The following ADAMTS18 variants were observed in gnomAD, a reference collection of about 807,000 sequenced individuals.
ADAMTS18 encodes ADAM metallopeptidase with thrombospondin type 1 motif 18.
Under a neutral mutation model 165.9 loss-of-function variants are expected in ADAMTS18, and 157 were observed. That is an observed-to-expected ratio of 0.95 (90% CI 0.83 to 1.08). ADAMTS18 has a LOEUF of 1.08. ADAMTS18 is among the 50% of genes least tolerant of loss of function. ADAMTS18 has a pLI of 0.00. For synonymous variants in ADAMTS18, 782 were observed against 578.2 expected (o/e 1.35, Z -5.06); for missense variants, 2,040 against 1,534.0 (o/e 1.33, Z -5.51).
chr16:77,433,887 C>T (rs2057766547), intron 2 of ADAMTS18, among the ~76,000 whole-genome samples: 2 of 151,880 alleles, frequency 1.3e-5, no homozygotes, highest in African/African-American at 2.4e-5. Flanking sequence ...GACTCAGAGA[C>T]CTGAAGTCAC....
At chr16:77,384,349 G>C (rs1417103953) in intron 3 of ADAMTS18, among the ~76,000 whole-genome samples, 1 of 152,094 alleles carries the variant, frequency 6.6e-6, no homozygotes, top group South Asian at 2.1e-4. Flanking sequence ...ACATATCAAG[G>C]AAACAATTAT....
chr16:77,373,991 T>A (rs1358149537), intron 3 of ADAMTS18, among the ~76,000 whole-genome samples: 1 of 151,792 alleles, frequency 6.6e-6, no homozygotes, highest in Non-Finnish European at 1.5e-5. Flanking sequence ...GGCCAAGGAG[T>A]GCAGATCACG....
At chr16:77,415,079 T>C (rs1293573672) in intron 3 of ADAMTS18, among the ~76,000 whole-genome samples, 1 of 152,218 alleles carries the variant, frequency 6.6e-6, no homozygotes, top group Admixed American at 6.5e-5. Flanking sequence ...CAAGATGCAC[T>C]GTGAGGAACA....
intron 16 of ADAMTS18, among the ~76,000 whole-genome samples, chr16:77,317,692 C>T (rs563316407): frequency 8.5e-5 from 13 of 152,270 alleles, no homozygotes; most frequent in South Asian, 6.2e-4. Context: ...ATTTCACCCA[C>T]CATAACTCAA....
At chr16:77,292,881 G>A (rs914420170) in intron 20 of ADAMTS18, 195 bp downstream of exon 20, 12 of 554,592 alleles carry the variant, frequency 2.2e-5, no homozygotes, top group African/African-American at 7.6e-5. Flanking sequence ...GTGCAGTGGC[G>A]CAATCTCAGC....
chr16:77,353,573 A>G (rs1438265078), intron 10 of ADAMTS18, among the ~76,000 whole-genome samples, 160 bp downstream of exon 10: 2 of 152,202 alleles, frequency 1.3e-5, no homozygotes, highest in African/African-American at 4.8e-5. Context: ...ATTCATTGAC[A>G]GTAAAATTGC....
intron 3 of ADAMTS18, among the ~76,000 whole-genome samples, chr16:77,431,035 G>T (rs1226217173): frequency 6.6e-6 from 1 of 152,210 alleles, no homozygotes; most frequent in Non-Finnish European, 1.5e-5. Flanking sequence ...TTTCCTTGGG[G>T]ATCATCTCAA....
chr16:77,299,861 T>G (rs950960170), intron 17 of ADAMTS18, among the ~76,000 whole-genome samples: 7 of 152,308 alleles, frequency 4.6e-5, no homozygotes, highest in South Asian at 4.1e-4. Context: ...CGTCCTCACT[T>G]GCCTTGACCC....
chr16:77,375,642 AAGAAGG>A (rs1477524299), intron 3 of ADAMTS18, among the ~76,000 whole-genome samples: 1 of 152,218 alleles, frequency 6.6e-6, no homozygotes, highest in South Asian at 2.1e-4. Flanking sequence ...GTGGCCTGCT[AAGAAGG>A]AGATGGACTG....
intron 10 of ADAMTS18, among the ~76,000 whole-genome samples, chr16:77,347,801 T>C (rs943875605): frequency 2.6e-5 from 4 of 152,166 alleles, no homozygotes; most frequent in Admixed American, 6.5e-5. Flanking sequence ...AGAGGCAGTA[T>C]AGTATAATGG....
chr16:77,425,302 G>T (rs1486609626), intron 3 of ADAMTS18, among the ~76,000 whole-genome samples: 2 of 152,156 alleles, frequency 1.3e-5, no homozygotes, highest in Non-Finnish European at 2.9e-5. Context: ...TGACAAAATT[G>T]GATGATGCAT....
At chr16:77,353,069 G>C (rs1028145454) in intron 10 of ADAMTS18, among the ~76,000 whole-genome samples, 1 of 151,508 alleles carries the variant, frequency 6.6e-6, no homozygotes. Flanking sequence ...AACACAGTGA[G>C]ACTCTGTCTC....
chr16:77,360,489 A>T (rs1001855515), intron 7 of ADAMTS18, among the ~76,000 whole-genome samples: 1 of 150,574 alleles, frequency 6.6e-6, no homozygotes. Flanking sequence ...CAGTTGATAG[A>T]ATTTCTGGTG....
intron 18 of ADAMTS18, among the ~76,000 whole-genome samples, chr16:77,295,919 C>G (rs1597088753): frequency 6.6e-6 from 1 of 152,018 alleles, no homozygotes; most frequent in South Asian, 2.1e-4. Context: ...TCTCAGCTCA[C>G]TGCAACCTCT....
At chr16:77,344,176 T>C (rs535064328) in intron 10 of ADAMTS18, among the ~76,000 whole-genome samples, 181 of 147,372 alleles carry the variant, frequency 1.2e-3, no homozygotes, top group Admixed American at 2.9e-3. Context: ...TATATATATA[T>C]ACACATACAG....
chr16:77,317,984 C>A (rs1194360251), intron 16 of ADAMTS18, among the ~76,000 whole-genome samples: 1 of 152,120 alleles, frequency 6.6e-6, no homozygotes, highest in African/African-American at 2.4e-5. Flanking sequence ...GCTGTCAGCC[C>A]AGAAAACAAG....
At chr16:77,338,654 G>C (rs912568106) in intron 11 of ADAMTS18, among the ~76,000 whole-genome samples, 2 of 151,928 alleles carry the variant, frequency 1.3e-5, no homozygotes, top group African/African-American at 2.4e-5. Flanking sequence ...CATATTTCTA[G>C]ATAAAAGTAA....
At chr16:77,301,706 A>T (rs1309547772) in intron 16 of ADAMTS18, among the ~76,000 whole-genome samples, 1 of 152,228 alleles carries the variant, frequency 6.6e-6, no homozygotes, top group African/African-American at 2.4e-5. Flanking sequence ...AGGATGGTAC[A>T]AAATGACTTC....
rs76100989 is a variant in ADAMTS18, at chr16:77,384,751, G to C, written c.496-17028C>G. Among the ~76,000 whole-genome samples, 468 of 152,184 alleles carry C rather than the reference G, an allele frequency of 3.1e-3. 2 individuals are homozygous for C. The highest frequency in any genetic ancestry group is 0.011 in the African/African-American group (451 of 41,502). On this transcript the variant is annotated intron_variant, in intron 3 of 22. Coordinates refer to ENST00000282849, the MANE Select transcript of ADAMTS18 (RefSeq NM_199355.4). The stretch of plus-strand genomic sequence containing the variant: ...TATGACAAAAATTTAGACAAGAAGA[G>C]AAACGTATATAGTAAGCTACATTAT...
Sources: gnomAD v4.1 joint callset for allele counts (sites outside exome capture counted in the v4.1 genomes callset) on GRCh38, gnomAD v4.1.1 for gene constraint, MANE v1.5 for transcripts, NCBI Gene and HGNC (gene_info 2026-07-23, HGNC 2026-07-21) for gene names.